The following PCDHGB7 variants were observed in gnomAD, a reference collection of about 807,000 sequenced individuals.
PCDHGB7 encodes the protein protocadherin gamma-B7.
In PCDHGB7, 37 loss-of-function variants were observed where a neutral mutation model predicts 61.4. That is an observed-to-expected ratio of 0.60 (90% confidence interval 0.46 to 0.79). The LOEUF is 0.79. PCDHGB7 is among the 30% of genes least tolerant of loss of function. PCDHGB7 has a pLI of 0.00. For missense variants in PCDHGB7, 1,166 were observed against 1,202.5 expected (o/e 0.97, Z 0.45); for synonymous variants, 464 against 503.5 (o/e 0.92, Z 1.05).
intron 3 of PCDHGB7, among the ~76,000 whole-genome samples, chr5:141,506,011 C>T (rs1209221520): frequency 6.6e-6 from 1 of 152,204 alleles, no homozygotes; most frequent in Non-Finnish European, 1.5e-5. Flanking sequence ...TCCTCTTTTG[C>T]TGCCCCTAAC....
At chr5:141,420,420 CAA>C (rs1462714732) in intron 1 of PCDHGB7, 146 bp downstream of exon 1, 2 of 1,201,950 alleles carry the variant, frequency 1.7e-6, no homozygotes, top group African/African-American at 3.2e-5. Context: ...ATTATTAAAA[CAA>C]AAGTTTAAAT....
intron 1 of PCDHGB7, chr5:141,423,762 G>T: frequency 2.3e-5 from 6 of 264,236 alleles, no homozygotes; most frequent in Non-Finnish European, 3.4e-5. Context: ...GGGGGGGGGT[G>T]GGGCGGCATA....
Position 141,511,628 on chromosome 5 carries a change from G to C in PCDHGB7, c.*455G>C, listed in dbSNP as rs4912608. 0.2 allele frequency: 46,780 copies of C among 231,598 alleles called. 5,185 individuals are homozygous for C. The highest frequency in any genetic ancestry group is 0.32 in the Admixed American group (6,204 of 19,590). The allele number at this position is 231,598 out of a possible 1,614,324, so 14.3% of individuals were successfully genotyped here. A position where few individuals can be genotyped will look rare whatever the true frequency, so the allele number is the denominator to read the frequency against. On this transcript the variant is annotated 3_prime_UTR_variant, in exon 4 of 4. Transcript: ENST00000398594. ...CAAGCCTCCTAGTTCTGAAAAGTTG[G>C]AAGGGCATCATGACCTCTTGGCCTC...
At position 141,487,577 on chromosome 5, in the gene PCDHGB7, C is replaced by T; in HGVS notation, c.2416-7230C>T. 1 of 1,614,150 alleles carries T rather than the reference C, an allele frequency of 6.2e-7. No homozygotes were observed. Among genetic ancestry groups the T allele is most frequent in the Non-Finnish European group, 8.5e-7 (1 of 1,180,024 alleles). On this transcript the variant is annotated intron_variant, in intron 1 of 3. Transcript: ENST00000398594. This position sits in a 1 kb window ranked among gnomAD's most constrained non-coding sequence, Gnocchi z 5.0. ...ACCTATGGCAGGGGAGCCTGTTCGCCCAAGCTGCCCACCCTCTGATCTTCT... is the reference window on the plus strand; with the variant it reads ...ACCTATGGCAGGGGAGCCTGTTCGCTCAAGCTGCCCACCCTCTGATCTTCT...
intron 1 of PCDHGB7, among the ~76,000 whole-genome samples, chr5:141,472,980 C>CAAAAAAAAAAAAAAAAA (rs60579131): frequency 5.8e-5 from 5 of 86,060 alleles, no homozygotes; most frequent in African/African-American, 3.9e-5. Context: ...GAGTGAAACT[C>CAAAAAAAAAAAAAAAAA]AAAAAAAAAA....
chr5:141,476,055 GT>G lies in PCDHGB7; in HGVS notation c.2416-18749del. 6.7e-7 allele frequency: 1 copy of G among 1,503,516 alleles called. No homozygotes were observed. Among genetic ancestry groups the G allele is most frequent in the South Asian group, 1.3e-5 (1 of 75,386 alleles). The allele number at this position is 1,503,516 out of a possible 1,614,324, so 93.1% of individuals were successfully genotyped here. ...GCGCCCAAGCGCTAACCCGCTGAAA[GT>G]TTCTCAGCGAAATCTCAGGGACGAT... On this transcript the variant is annotated intron_variant, in intron 1 of 3. Transcript: ENST00000398594. The surrounding 1 kb of genome is among the most constrained non-coding windows in gnomAD (Gnocchi z 7.6).
In PCDHGB7 at chr5:141,490,692, G is replaced by C. The variant is rs751109998; in HGVS notation, c.2416-4115G>C. 16 of 1,614,154 alleles carry C rather than the reference G, an allele frequency of 9.9e-6. 1 individual carries two copies. The Middle Eastern group carries it at 6.6e-4, about 67-fold the overall frequency. ...TGGCTGCCTCAGATCCAGACACTGG[G>C]GATAATGCCCGCCTCACCTACTCCA... On this transcript the variant is annotated intron_variant, in intron 1 of 3. Transcript: ENST00000398594. This position sits in a 1 kb window ranked among gnomAD's most constrained non-coding sequence, Gnocchi z 5.4.
chr5:141,457,579 A>G (rs557894260), intron 1 of PCDHGB7, among the ~76,000 whole-genome samples: 123 of 152,346 alleles, frequency 8.1e-4, no homozygotes, highest in Non-Finnish European at 1.4e-3. Flanking sequence ...TTTTCTCTCC[A>G]GTCCTCATTT....
intron 1 of PCDHGB7, among the ~76,000 whole-genome samples, chr5:141,426,030 G>A (rs966664613): frequency 1.3e-5 from 2 of 152,168 alleles, no homozygotes; most frequent in Admixed American, 6.5e-5. Context: ...AATAGACTCA[G>A]AGCCCTGCTG....
At chr5:141,448,730 G>A (rs1419700194) in intron 1 of PCDHGB7, among the ~76,000 whole-genome samples, 1 of 152,072 alleles carries the variant, frequency 6.6e-6, no homozygotes, top group African/African-American at 2.4e-5. Context: ...CACGAGGTCA[G>A]GAGATCGAGA....
chr5:141,488,980 C>A, intron 1 of PCDHGB7: 1 of 392,340 alleles, frequency 2.5e-6, no homozygotes, highest in Non-Finnish European at 4.5e-6. Flanking sequence ...CAATCAGACT[C>A]AGAGCTGAGG....
chr5:141,494,237 G>A (rs555725765), intron 1 of PCDHGB7, among the ~76,000 whole-genome samples: 3 of 152,312 alleles, frequency 2.0e-5, no homozygotes, highest in East Asian at 3.9e-4. Flanking sequence ...AATTAATAAT[G>A]TATTTAGCTG....
rs186484297 is a variant in PCDHGB7 at position 141,453,739 on chromosome 5, A to G, written c.2415+33465A>G. ...TAAAAATATTTGTTACTACAGCTTA[A>G]ATAACATAAGTCTCCTAAAAATAAT... On this transcript the variant is annotated intron_variant, in intron 1 of 3. Coordinates refer to ENST00000398594, the MANE Select transcript of PCDHGB7 (RefSeq NM_018927.4). Among the ~76,000 whole-genome samples, 2 of 152,370 alleles carry G rather than the reference A, an allele frequency of 1.3e-5. 1 individual carries two copies. Among genetic ancestry groups the G allele is most frequent in the Admixed American group, 1.3e-4 (2 of 15,300 alleles).
Position 141,419,724 on chromosome 5 carries a change from G to T in PCDHGB7, c.1865G>T (p.Arg622Leu). 6.2e-7 allele frequency: 1 copy of T among 1,613,488 alleles called. No homozygotes were observed. Among genetic ancestry groups the T allele is most frequent in the Non-Finnish European group, 8.5e-7 (1 of 1,179,708 alleles). ...SEPGLFSLGLRTGEVRMVRAL... is the reference protein window; with the variant it reads ...SEPGLFSLGLLTGEVRMVRAL... ...CCCGGGCTCTTCAGCCTGGGGCTGC[G>T]AACAGGCGAGGTGCGCATGGTGCGT... The change falls in exon 1 of 4, where the codon CGA (arginine) becomes CTA (leucine). Residue 622 changes from arginine (R) to leucine (L), a missense_variant. Coordinates refer to ENST00000398594, the MANE Select transcript of PCDHGB7 (RefSeq NM_018927.4).
At chr5:141,510,335 AC>A (rs1247622083) in intron 3 of PCDHGB7, among the ~76,000 whole-genome samples, 1 of 149,138 alleles carries the variant, frequency 6.7e-6, no homozygotes, top group African/African-American at 2.5e-5. Context: ...CTTCACCCCC[AC>A]CCCACACACT....
intron 1 of PCDHGB7, among the ~76,000 whole-genome samples, chr5:141,443,772 C>T (rs1284723564): frequency 6.6e-6 from 1 of 151,568 alleles, no homozygotes; most frequent in Non-Finnish European, 1.5e-5. Context: ...TACAATATTA[C>T]CAAAAAGACA....
chr5:141,438,955 C>T (rs965336489), intron 1 of PCDHGB7, among the ~76,000 whole-genome samples: 3 of 151,926 alleles, frequency 2.0e-5, no homozygotes, highest in Non-Finnish European at 4.4e-5. Flanking sequence ...CATGAGCCAC[C>T]GCACCCTGCC....
At chr5:141,469,438 G>T (rs2099201339) in intron 1 of PCDHGB7, among the ~76,000 whole-genome samples, 1 of 152,112 alleles carries the variant, frequency 6.6e-6, no homozygotes, top group African/African-American at 2.4e-5. Flanking sequence ...AGCTGGGCGT[G>T]GTGGTGCACA....
intron 2 of PCDHGB7, among the ~76,000 whole-genome samples, chr5:141,503,132 CCT>C (rs1388312522): frequency 6.6e-6 from 1 of 151,994 alleles, no homozygotes; most frequent in Non-Finnish European, 1.5e-5. Flanking sequence ...TCTGGTAGCC[CCT>C]GACACAGCCC....
Sources: gnomAD v4.1 joint callset for allele counts (sites outside exome capture counted in the v4.1 genomes callset) on GRCh38, gnomAD v4.1.1 for gene constraint, Gnocchi (gnomAD v3.1) non-coding constraint, MANE v1.5 for transcripts, NCBI Gene and HGNC (gene_info 2026-07-23, HGNC 2026-07-21) for gene names.